SLC16A1: variants seen among roughly 807,000 people sequenced by gnomAD.
SLC16A1 encodes the protein monocarboxylate transporter 1.
Under a neutral mutation model 32.2 loss-of-function variants are expected in SLC16A1, and 11 were observed. The observed-to-expected ratio is 0.34, with a 90% CI of 0.21 to 0.56. The LOEUF (loss-of-function observed/expected upper bound fraction) is 0.56, where lower values mean the gene tolerates loss of function less well. Ranked by LOEUF, SLC16A1 falls within the 20% of genes least tolerant of loss-of-function variation. The pLI, the probability that SLC16A1 is intolerant of heterozygous loss-of-function variation, is 0.87. For synonymous variants in SLC16A1, 231 were observed against 226.8 expected (o/e 1.02, Z -0.17); for missense variants, 435 against 615.0 (o/e 0.71, Z 3.10).
intron 3 of SLC16A1, among the ~76,000 whole-genome samples, chr1:112,919,482 G>A (rs1385526303): frequency 6.6e-6 from 1 of 152,128 alleles, no homozygotes; most frequent in Non-Finnish European, 1.5e-5. Context: ...GGACCAACCA[G>A]AACAAATTAT....
chr1:112,912,644 C>A lies in SLC16A1; in HGVS notation c.*1247G>T, dbSNP rs1216092840. 6.6e-6 allele frequency: 1 copy of A among 151,938 alleles called. No individual in the cohort carries two copies. The highest frequency in any genetic ancestry group is 2.4e-5 in the African/African-American group (1 of 41,360). 9.4% of individuals were successfully genotyped at this position (151,938 alleles called of 1,614,324 possible). A position where few individuals can be genotyped will look rare whatever the true frequency, so the allele number is the denominator to read the frequency against. ...GTTTGTGTGGAGGGTAAAAATGCAT[C>A]CAGCAATTCTAAGCACAACAATTTT... On this transcript the variant is annotated 3_prime_UTR_variant, in exon 5 of 5. Transcript: ENST00000369626.
intron 1 of SLC16A1, among the ~76,000 whole-genome samples, chr1:112,936,480 CAAAAAA>C (rs35673011): frequency 7.3e-5 from 4 of 54,894 alleles, no homozygotes; most frequent in African/African-American, 6.6e-5. Flanking sequence ...GACTCTGTCT[CAAAAAA>C]AAAAAAAAAA....
Position 112,912,545 on chromosome 1 carries a change from C to T in SLC16A1, c.*1346G>A. 1 of 152,050 alleles carries T rather than the reference C, an allele frequency of 6.6e-6. No homozygotes were observed. The highest frequency in any genetic ancestry group is 2.1e-4 in the South Asian group (1 of 4,828). The allele number at this position is 152,050 out of a possible 1,614,324, so 9.4% of individuals were successfully genotyped here. On this transcript the variant is annotated 3_prime_UTR_variant, in exon 5 of 5. Transcript: ENST00000369626. ...ATTTACAGTTTTCATTCTGGTCCAC[C>T]TTCCCTCCTTATCCTTATACTGAAT...
chr1:112,921,088 C>A (rs1404510155), intron 3 of SLC16A1, among the ~76,000 whole-genome samples: 1 of 149,892 alleles, frequency 6.7e-6, no homozygotes, highest in East Asian at 2.0e-4. Flanking sequence ...TTGCAGTGAG[C>A]TGAGATCGCG....
chr1:112,942,475 A>G (rs1649542085), intron 1 of SLC16A1, among the ~76,000 whole-genome samples: 1 of 152,240 alleles, frequency 6.6e-6, no homozygotes, highest in African/African-American at 2.4e-5. Flanking sequence ...ACCAAATAAC[A>G]TGTATTATAA....
At chr1:112,935,376 T>C (rs1021063144) in intron 1 of SLC16A1, among the ~76,000 whole-genome samples, 8 of 151,964 alleles carry the variant, frequency 5.3e-5, no homozygotes, top group Admixed American at 4.6e-4. Context: ...ACTACTGTAC[T>C]ACAGCCTGGT....
chr1:112,922,917 T>C (rs960898333), intron 2 of SLC16A1, among the ~76,000 whole-genome samples: 5 of 152,158 alleles, frequency 3.3e-5, no homozygotes, highest in African/African-American at 9.6e-5. Flanking sequence ...GTTTGTGGTG[T>C]TGTGTTTTTT....
chr1:112,943,226 A>C (rs1649570780), intron 1 of SLC16A1, among the ~76,000 whole-genome samples: 1 of 152,204 alleles, frequency 6.6e-6, no homozygotes, highest in Non-Finnish European at 1.5e-5. Context: ...CATTCATTTT[A>C]AATTGAAAAC....
chr1:112,924,059 G>GA, intron 2 of SLC16A1: 1 of 1,285,212 alleles, frequency 7.8e-7, no homozygotes, highest in Non-Finnish European at 1.1e-6. Context: ...ATCGCTTCTG[G>GA]AAGAAGCACC....
chr1:112,948,701 T>A (rs1649785820), intron 1 of SLC16A1, among the ~76,000 whole-genome samples: 1 of 152,084 alleles, frequency 6.6e-6, no homozygotes, highest in South Asian at 2.1e-4. Context: ...CAGGGTTTCA[T>A]CATGTTGGCC....
rs370516530 is a variant in SLC16A1, at chr1:112,936,099, C to T, written c.-44-6747G>A. The T allele has an allele frequency of 5.3e-5, 8 of 152,266 alleles. No homozygotes were observed. The East Asian group carries it at 7.7e-4, about 15-fold the overall frequency. 9.4% of individuals were successfully genotyped at this position (152,266 alleles called of 1,614,324 possible). ...TAGCTGGCCAGTCCTCATTTTCAAA[C>T]CAATCAAGTAAAAGAGATTTCTGTT... On this transcript the variant is annotated intron_variant, in intron 1 of 4. Transcript: ENST00000369626.
Position 112,918,088 on chromosome 1 carries a change from A to C in SLC16A1, c.362-44T>G, listed in dbSNP as rs746243243. On this transcript the variant is annotated intron_variant, in intron 3 of 4. Coordinates refer to ENST00000369626, the MANE Select transcript of SLC16A1 (RefSeq NM_003051.4). ...AATAAATAAATAAATAAATAAATAA[A>C]TAAATAAATAAATAATAAGAGGTAT... is the stretch of plus-strand genomic sequence containing the variant. 32 of 1,100,576 alleles carry C rather than the reference A, an allele frequency of 2.9e-5. No homozygotes were observed. The South Asian group carries it at 1.1e-3, about 37-fold the overall frequency. 68.2% of individuals were successfully genotyped at this position (1,100,576 alleles called of 1,614,324 possible).
intron 3 of SLC16A1, among the ~76,000 whole-genome samples, chr1:112,919,011 T>TTTTATTTATTTATTTATTTATTTA (rs55675593): frequency 0.011 from 1,516 of 144,280 alleles, 15 homozygotes; most frequent in Non-Finnish European, 0.014. Context: ...TACTAATTTA[T>TTTTATTTATTTATTTATTTATTTA]TTTATTTATT....
At chr1:112,916,496 TAAAA>T (rs570173297) in intron 4 of SLC16A1, among the ~76,000 whole-genome samples, 4 of 61,202 alleles carry the variant, frequency 6.5e-5, no homozygotes, top group African/African-American at 1.3e-4. Context: ...AAGACTGTCT[TAAAA>T]AAAAAAAAAA....
intron 3 of SLC16A1, among the ~76,000 whole-genome samples, chr1:112,919,458 C>G (rs1198299937): frequency 6.6e-6 from 1 of 152,030 alleles, no homozygotes; most frequent in Non-Finnish European, 1.5e-5. Context: ...TTTGATGGTG[C>G]AGAGGAAAAA....
At chr1:112,922,330 T>C in intron 2 of SLC16A1, 197 bp from the exon 3 acceptor site, 1 of 607,846 alleles carries the variant, frequency 1.6e-6, no homozygotes, top group Non-Finnish European at 2.9e-6. Flanking sequence ...GTGCAGGTTC[T>C]AAATCTAAAA....
intron 2 of SLC16A1, chr1:112,924,197 C>T (rs531635418): frequency 2.0e-6 from 3 of 1,514,004 alleles, no homozygotes; most frequent in Middle Eastern, 1.8e-4. Flanking sequence ...CCCACGGGGA[C>T]GCAGTCATCC....
In SLC16A1 at chr1:112,929,246, T is replaced by C. The variant is rs886686187; in HGVS notation, c.63A>G (p.Ala21=). The C allele has an allele frequency of 1.9e-6, 3 of 1,614,050 alleles. No individual in the cohort carries two copies. Among genetic ancestry groups the C allele is most frequent in the Admixed American group, 1.7e-5 (1 of 59,996 alleles). Residue 21 remains alanine, a synonymous_variant, in exon 2 of 5, where the codon GCA becomes GCG. Transcript: ENST00000369626. ...YTPPDGGWGW[A]VVIGAFISIG... ...TGGAAATGAAAGCTCCAATTACCAC[T>C]GCCCAGCCCCAGCCTCCATCTGGGG...
In SLC16A1 at chr1:112,917,143, TA is replaced by T. The variant is rs1188895129; in HGVS notation, c.1228+34del. The T allele has an allele frequency of 6.2e-7, 1 of 1,613,904 alleles. No homozygotes were observed. Among genetic ancestry groups the T allele is most frequent in the East Asian group, 2.2e-5 (1 of 44,884 alleles). ...ATTCCCATCTTACATGCTTGTTTTG[TA>T]ATAGACCCACATTAGTAGGGAGATA... On this transcript the variant is annotated intron_variant, in intron 4 of 4. Transcript: ENST00000369626. This position sits in a 1 kb window ranked among gnomAD's most constrained non-coding sequence, Gnocchi z 4.1.
Sources: allele counts gnomAD v4.1 joint callset (sites outside exome capture counted in the v4.1 genomes callset), GRCh38; gene constraint gnomAD v4.1.1; non-coding constraint Gnocchi (gnomAD v3.1); transcripts MANE v1.5; gene names NCBI Gene and HGNC (gene_info 2026-07-23, HGNC 2026-07-21).